Variants in CDH18 observed in about 807,000 individuals in gnomAD.
CDH18 encodes the protein cadherin-18.
Under a neutral mutation model 67.9 loss-of-function variants are expected in CDH18, and 31 were observed. The observed-to-expected ratio is 0.46, with a 90% confidence interval of 0.34 to 0.62. The LOEUF (loss-of-function observed/expected upper bound fraction) is 0.62, where lower values mean the gene tolerates loss of function less well. CDH18 is among the 20% of genes least tolerant of loss of function. CDH18 has a pLI of 0.01. For synonymous variants in CDH18, 362 were observed against 347.2 expected, an observed-to-expected ratio of 1.04 and a Z score of -0.48; for missense variants, 890 against 975.5, an observed-to-expected ratio of 0.91 and a Z score of 1.17.
intron 4 of CDH18, 86 bp downstream of exon 4, chr5:19,746,856 A>T (rs769054304): frequency 1.1e-5 from 11 of 1,021,578 alleles, no homozygotes; most frequent in Non-Finnish European, 1.6e-5. Context: ...AGATATATAT[A>T]TATAAGTAAA....
At chr5:20,292,409 A>G (rs1219851443) in intron 1 of CDH18, among the ~76,000 whole-genome samples, 2 of 152,220 alleles carry the variant, frequency 1.3e-5, no homozygotes, top group Non-Finnish European at 2.9e-5. Context: ...ATGATAGCTG[A>G]GTGTCCAGAA....
chr5:19,754,207 T>C (rs564186414), intron 3 of CDH18, among the ~76,000 whole-genome samples: 226 of 152,230 alleles, frequency 1.5e-3, no homozygotes, highest in Middle Eastern at 3.4e-3. Context: ...ACTTAAAAGA[T>C]ACAGAACTGC....
intron 2 of CDH18, among the ~76,000 whole-genome samples, chr5:20,082,215 C>G (rs948611663): frequency 6.6e-6 from 1 of 151,262 alleles, no homozygotes; most frequent in African/African-American, 2.4e-5. Flanking sequence ...AAATAATCCT[C>G]CATTATTTAT....
intron 2 of CDH18, among the ~76,000 whole-genome samples, chr5:20,001,659 C>A (rs1736447892): frequency 6.6e-6 from 1 of 151,982 alleles, no homozygotes. Flanking sequence ...TGTCATTATT[C>A]TTTTTCCTTT....
chr5:19,821,617 T>C (rs1779889568), intron 3 of CDH18, among the ~76,000 whole-genome samples: 1 of 152,082 alleles, frequency 6.6e-6, no homozygotes, highest in Non-Finnish European at 1.5e-5. Flanking sequence ...AGAAAATCTC[T>C]GTAAGACACT....
In CDH18 at chr5:19,571,781, T is replaced by C; in HGVS notation, c.1051A>G (p.Asn351Asp). 6.2e-7 allele frequency: 1 copy of C among 1,613,702 alleles called. No homozygotes were observed. Among genetic ancestry groups the C allele is most frequent in the Non-Finnish European group, 8.5e-7 (1 of 1,179,666 alleles). The change falls in exon 8 of 13, where the codon AAT becomes GAT. Residue 351 changes from asparagine to aspartate, a missense_variant. Asn to Asp is a conservative substitution (Grantham distance 23, BLOSUM62 1). Coordinates refer to ENST00000382275, the MANE Select transcript of CDH18 (RefSeq NM_004934.5). ...GAAAAGCGAAAATCAAGATGTGTAT[T>C]TGCTCCTTCTATGTTGAGGGTATAT... ...KSYTLNIEGA[N>D]THLDFRFSHL...
At chr5:20,281,179 T>C (rs1746238643) in intron 1 of CDH18, among the ~76,000 whole-genome samples, 1 of 152,168 alleles carries the variant, frequency 6.6e-6, no homozygotes, top group African/African-American at 2.4e-5. Flanking sequence ...CTGATGGTAG[T>C]TTCTTTTGCT....
At chr5:20,307,975 T>G (rs983562897) in intron 1 of CDH18, among the ~76,000 whole-genome samples, 1 of 152,096 alleles carries the variant, frequency 6.6e-6, no homozygotes, top group Non-Finnish European at 1.5e-5. Context: ...CATTTGTTTT[T>G]ATTGTTGTTA....
At position 20,242,638 on chromosome 5, in the gene CDH18, A is replaced by ATATATATG. The variant is rs1580564121; in HGVS notation, c.-518+12805_-518+12806insCATATATA. Among the ~76,000 whole-genome samples the ATATATATG allele has an allele frequency of 2.6e-3, 285 of 109,322 alleles. 49 individuals carry two copies. The highest frequency in any genetic ancestry group is 0.013 in the African/African-American group (240 of 18,752). 71.7% of individuals were successfully genotyped at this position (109,322 alleles called of 152,430 possible). On this transcript the variant is annotated intron_variant, in intron 2 of 14. Coordinates refer to the CDH18 transcript ENST00000507958. ...TATATATATATATATATATATGTAT[A>ATATATATG]TATATATATATATGTAAATGGACTA...
chr5:20,508,776 T>C (rs74561978), intron 1 of CDH18, among the ~76,000 whole-genome samples: 4,371 of 152,128 alleles, frequency 0.029, 73 homozygotes, highest in Non-Finnish European at 0.041. Flanking sequence ...TAAAATATTT[T>C]GATAATTAAA....
At chr5:19,986,850 A>C (rs1482792359) in intron 1 of CDH18, among the ~76,000 whole-genome samples, 2 of 152,218 alleles carry the variant, frequency 1.3e-5, no homozygotes, top group African/African-American at 4.8e-5. Flanking sequence ...TAAGACAAAT[A>C]CACTAAAATA....
intron 12 of CDH18, among the ~76,000 whole-genome samples, chr5:19,477,954 T>C (rs1052802603): frequency 1.5e-4 from 23 of 152,102 alleles, no homozygotes; most frequent in Admixed American, 1.2e-3. Context: ...ATTTTATCCT[T>C]GGTTAGTGAA....
At chr5:20,033,217 T>G (rs537420728) in intron 2 of CDH18, among the ~76,000 whole-genome samples, 1 of 151,578 alleles carries the variant, frequency 6.6e-6, no homozygotes, top group Non-Finnish European at 1.5e-5. Context: ...AAAAAAAAAA[T>G]GCTTCCTCCT....
intron 2 of CDH18, among the ~76,000 whole-genome samples, chr5:20,028,189 G>C (rs1349739948): frequency 6.6e-6 from 1 of 151,222 alleles, no homozygotes; most frequent in Non-Finnish European, 1.5e-5. Context: ...AAGCTGGTAT[G>C]TTTTCAATAT....
At chr5:19,717,617 T>C (rs1404798817) in intron 5 of CDH18, among the ~76,000 whole-genome samples, 1 of 152,118 alleles carries the variant, frequency 6.6e-6, no homozygotes, top group Non-Finnish European at 1.5e-5. Flanking sequence ...GTTTACACTA[T>C]AATAACTGAA....
At chr5:20,543,005 G>A (rs963599378) in intron 1 of CDH18, among the ~76,000 whole-genome samples, 5 of 151,826 alleles carry the variant, frequency 3.3e-5, no homozygotes, top group Non-Finnish European at 7.4e-5. Context: ...CTTTTTGTTT[G>A]GCGTTTCATG....
chr5:19,958,794 G>A (rs1008364868), intron 2 of CDH18, among the ~76,000 whole-genome samples: 5 of 151,998 alleles, frequency 3.3e-5, no homozygotes, highest in African/African-American at 1.2e-4. Context: ...CATGTGTGAT[G>A]TTCCGTGTTG....
chr5:20,352,624 CAAAAAAA>C (rs35947411), intron 1 of CDH18, among the ~76,000 whole-genome samples: 237 of 89,118 alleles, frequency 2.7e-3, no homozygotes, highest in Middle Eastern at 0.015. Flanking sequence ...ACTAAAAATA[CAAAAAAA>C]AAAAAAAAAA....
chr5:20,407,922 C>T (rs553060098), intron 1 of CDH18, among the ~76,000 whole-genome samples: 1 of 151,960 alleles, frequency 6.6e-6, no homozygotes, highest in South Asian at 2.1e-4. Flanking sequence ...ACTCTCTCTG[C>T]CTCAATAAGA....
Sources: allele counts gnomAD v4.1 joint callset (sites outside exome capture counted in the v4.1 genomes callset), GRCh38; gene constraint gnomAD v4.1.1; transcripts MANE v1.5; gene names NCBI Gene and HGNC (gene_info 2026-07-23, HGNC 2026-07-21).